The following ITGA9 variants were observed in gnomAD, a reference collection of about 807,000 sequenced individuals.
The protein encoded by ITGA9 is integrin alpha-9.
In ITGA9, 56 loss-of-function variants were observed where a neutral mutation model predicts 127.8. That is an observed-to-expected ratio of 0.44 (90% CI 0.35 to 0.55). The LOEUF is 0.55. ITGA9 is among the 20% of genes least tolerant of loss of function. The pLI is 0.00. For missense variants in ITGA9, 1,196 were observed against 1,347.1 expected (o/e 0.89, Z 1.76); for synonymous variants, 508 against 514.5 (o/e 0.99, Z 0.17).
intron 20 of ITGA9, among the ~76,000 whole-genome samples, chr3:37,740,419 T>C (rs1249774887): frequency 6.6e-6 from 1 of 152,122 alleles, no homozygotes; most frequent in African/African-American, 2.4e-5. Flanking sequence ...TATTAGAAAT[T>C]TAATAAAGTA....
Position 37,629,240 on chromosome 3 carries a change from C to A in ITGA9, c.1743C>A (p.Leu581=). 1 of 1,613,846 alleles carries A rather than the reference C, an allele frequency of 6.2e-7. No homozygotes were observed. Among genetic ancestry groups the A allele is most frequent in the Non-Finnish European group, 8.5e-7 (1 of 1,180,002 alleles). Residue 581 remains leucine, a synonymous_variant, in exon 16 of 28, where the codon CTC becomes CTA. Coordinates refer to ENST00000264741, the MANE Select transcript of ITGA9 (RefSeq NM_002207.3). The surrounding 1 kb of genome is among the most constrained non-coding windows in gnomAD (Gnocchi z 4.5). ...TCGTGTTTGAAGCAGCCTACAGCCTCAGTGAGCATGTGACTGGAGAGGAGG... is the reference window on the plus strand; with the variant it reads ...TCGTGTTTGAAGCAGCCTACAGCCTAAGTGAGCATGTGACTGGAGAGGAGG... ...SPIVFEAAYS[L]SEHVTGEEER...
chr3:37,743,836 T>C lies in ITGA9; in HGVS notation c.2325-90T>C, dbSNP rs116303937. The stretch of plus-strand genomic sequence containing the variant: ...ACTGGGTGCAAGACACTGGATTAAA[T>C]TGAGACAAATGTTTGCTTCTCAGAA... On this transcript the variant is annotated intron_variant, in intron 21 of 27. Coordinates refer to ENST00000264741, the MANE Select transcript of ITGA9 (RefSeq NM_002207.3). The C allele has an allele frequency of 3.2e-3, 2,961 of 915,552 alleles. 57 individuals are homozygous for C. In the African/African-American group the frequency reaches 0.042, roughly 13 times the overall value. 56.7% of individuals were successfully genotyped at this position (915,552 alleles called of 1,614,324 possible).
chr3:37,682,848 C>T (rs1452081656), intron 17 of ITGA9, among the ~76,000 whole-genome samples: 1 of 152,140 alleles, frequency 6.6e-6, no homozygotes, highest in African/African-American at 2.4e-5. Context: ...GAATATGACC[C>T]CTTCTCACCC....
chr3:37,462,306 C>T (rs1346970708), intron 1 of ITGA9, among the ~76,000 whole-genome samples: 1 of 152,232 alleles, frequency 6.6e-6, no homozygotes, highest in Non-Finnish European at 1.5e-5. Flanking sequence ...CCCAGTTGGG[C>T]ATGGACTCCA....
chr3:37,741,587 G>A (rs1192519946), intron 20 of ITGA9, 143 bp from the exon 21 acceptor site: 2 of 712,340 alleles, frequency 2.8e-6, no homozygotes, highest in African/African-American at 1.7e-5. Context: ...GATATGTACA[G>A]GGACCAAAAA....
At chr3:37,647,120 GT>G (rs1209512824) in intron 16 of ITGA9, among the ~76,000 whole-genome samples, 1 of 151,902 alleles carries the variant, frequency 6.6e-6, no homozygotes, top group Non-Finnish European at 1.5e-5. Context: ...ATGGTGTATT[GT>G]TTTTTTACCT....
chr3:37,577,142 G>T (rs1699662208), intron 15 of ITGA9, among the ~76,000 whole-genome samples: 1 of 152,208 alleles, frequency 6.6e-6, no homozygotes, highest in South Asian at 2.1e-4. Context: ...CACATCCACA[G>T]AAGTCATTTC....
chr3:37,810,938 C>G (rs1268745897), intron 27 of ITGA9, among the ~76,000 whole-genome samples: 1 of 152,218 alleles, frequency 6.6e-6, no homozygotes, highest in Non-Finnish European at 1.5e-5. Flanking sequence ...TCAGCCAGAC[C>G]AGCCCCTCAT....
intron 4 of ITGA9, among the ~76,000 whole-genome samples, chr3:37,488,254 C>T (rs1434033305): frequency 6.6e-6 from 1 of 152,126 alleles, no homozygotes; most frequent in Non-Finnish European, 1.5e-5. Context: ...GCTTTGGTCC[C>T]AAAATTGAAT....
At chr3:37,480,440 C>T (rs1394272404) in intron 3 of ITGA9, among the ~76,000 whole-genome samples, 3 of 152,308 alleles carry the variant, frequency 2.0e-5, no homozygotes, top group Non-Finnish European at 2.9e-5. Context: ...TGGCCATGAA[C>T]CTTCCTTCAG....
intron 13 of ITGA9, among the ~76,000 whole-genome samples, chr3:37,528,092 C>T (rs145762406): frequency 1.3e-5 from 2 of 152,348 alleles, no homozygotes; most frequent in African/African-American, 4.8e-5. Flanking sequence ...ACCCAACAGG[C>T]CCTCTTAAAA....
intron 23 of ITGA9, among the ~76,000 whole-genome samples, chr3:37,755,832 C>A (rs1696646470): frequency 6.6e-6 from 1 of 151,530 alleles, no homozygotes; most frequent in South Asian, 2.1e-4. Context: ...AGTTTATGTA[C>A]CAATTAGCTC....
chr3:37,533,894 A>C (rs1177532189), intron 14 of ITGA9, among the ~76,000 whole-genome samples: 1 of 152,204 alleles, frequency 6.6e-6, no homozygotes, highest in East Asian at 1.9e-4. Flanking sequence ...TATACCATTT[A>C]CTATGGAATT....
intron 18 of ITGA9, among the ~76,000 whole-genome samples, chr3:37,710,291 G>A (rs1236725993): frequency 3.3e-5 from 5 of 151,856 alleles, no homozygotes; most frequent in Non-Finnish European, 4.4e-5. Flanking sequence ...TGGAACCCTC[G>A]TCCGTCTAAT....
At chr3:37,456,563 G>T (rs1461403357) in intron 1 of ITGA9, among the ~76,000 whole-genome samples, 4 of 152,178 alleles carry the variant, frequency 2.6e-5, no homozygotes, top group Non-Finnish European at 5.9e-5. Flanking sequence ...CAGACGCCCT[G>T]GAGTCCAAAG....
intron 27 of ITGA9, among the ~76,000 whole-genome samples, chr3:37,813,988 T>G (rs1422371625): frequency 2.6e-5 from 4 of 152,172 alleles, no homozygotes; most frequent in African/African-American, 9.7e-5. Context: ...TCTGTTTTAT[T>G]TGTTTCTTTC....
intron 23 of ITGA9, among the ~76,000 whole-genome samples, chr3:37,762,047 G>T (rs1442639586): frequency 6.6e-6 from 1 of 152,220 alleles, no homozygotes; most frequent in Non-Finnish European, 1.5e-5. Context: ...TACCTATGGG[G>T]TAACCACCTT....
intron 15 of ITGA9, among the ~76,000 whole-genome samples, chr3:37,614,895 A>G (rs1283249411): frequency 2.0e-5 from 3 of 152,226 alleles, no homozygotes; most frequent in Admixed American, 6.5e-5. Flanking sequence ...TAGATATACA[A>G]TCATGTCATC....
chr3:37,505,422 C>T (rs1345166929), intron 6 of ITGA9, among the ~76,000 whole-genome samples: 1 of 152,184 alleles, frequency 6.6e-6, no homozygotes, highest in East Asian at 1.9e-4. Flanking sequence ...ACGGATATTA[C>T]TCAATAATAA....
Sources: allele counts gnomAD v4.1 joint callset (sites outside exome capture counted in the v4.1 genomes callset), GRCh38; gene constraint gnomAD v4.1.1; non-coding constraint Gnocchi (gnomAD v3.1); transcripts MANE v1.5; gene names NCBI Gene and HGNC (gene_info 2026-07-23, HGNC 2026-07-21).